The following ROBO2 variants were observed in gnomAD, a reference collection of about 807,000 sequenced individuals.
The protein encoded by ROBO2 is roundabout guidance receptor 2, also known as roundabout homolog 2.
A neutral mutation model predicts 160.8 loss-of-function variants in ROBO2; 53 were observed. That is an observed-to-expected ratio of 0.33 (90% CI 0.26 to 0.41). The LOEUF is 0.41. Among genes scored for constraint, ROBO2 ranks in the 10% least tolerant of loss-of-function variants. The pLI is 1.00. For synonymous variants in ROBO2, 664 were observed against 611.7 expected, an observed-to-expected ratio of 1.09 and a Z score of -1.26; for missense variants, 1,577 against 1,722.4, an observed-to-expected ratio of 0.92 and a Z score of 1.49.
chr3:77,607,316 G>C (rs2094544620), intron 20 of ROBO2, among the ~76,000 whole-genome samples: 1 of 152,108 alleles, frequency 6.6e-6, no homozygotes, highest in South Asian at 2.1e-4. Context: ...ATTTTTATCA[G>C]TTACTTTTGG....
At chr3:76,228,684 A>T (rs985374726) in intron 2 of ROBO2, among the ~76,000 whole-genome samples, 1 of 152,188 alleles carries the variant, frequency 6.6e-6, no homozygotes, top group African/African-American at 2.4e-5. Flanking sequence ...ACATCTTAGC[A>T]AATCTAAAGT....
At chr3:76,221,529 C>T (rs1209680486) in intron 2 of ROBO2, among the ~76,000 whole-genome samples, 4 of 152,160 alleles carry the variant, frequency 2.6e-5, no homozygotes, top group Non-Finnish European at 4.4e-5. Flanking sequence ...GATTCCTGAA[C>T]CCATTAATTG....
intron 2 of ROBO2, among the ~76,000 whole-genome samples, chr3:76,617,621 G>A (rs1484839399): frequency 2.6e-5 from 4 of 152,154 alleles, no homozygotes; most frequent in Non-Finnish European, 5.9e-5. Flanking sequence ...TGGACTAGTC[G>A]AAAAAGCTAG....
chr3:76,814,604 C>T (rs1400733744), intron 2 of ROBO2, among the ~76,000 whole-genome samples: 4 of 150,878 alleles, frequency 2.7e-5, no homozygotes, highest in African/African-American at 7.3e-5. Context: ...TTTTTTTTGT[C>T]ATTGATCAAT....
intron 2 of ROBO2, chr3:75,964,943 G>C (rs925861321): frequency 6.7e-6 from 1 of 149,496 alleles, no homozygotes; most frequent in Admixed American, 6.7e-5. Context: ...TTATCCAACT[G>C]TCAATTTATT....
intron 2 of ROBO2, among the ~76,000 whole-genome samples, chr3:76,931,550 G>GACACACAC (rs148001909): frequency 0.02 from 3,076 of 150,618 alleles, 62 homozygotes; most frequent in Admixed American, 0.065. Flanking sequence ...TGCTTTATAA[G>GACACACAC]ACACATACAC....
At chr3:76,384,768 G>T (rs1215762389) in intron 2 of ROBO2, among the ~76,000 whole-genome samples, 1 of 152,070 alleles carries the variant, frequency 6.6e-6, no homozygotes, top group Non-Finnish European at 1.5e-5. Context: ...GAACTCACTT[G>T]CTATCAAGAG....
intron 1 of ROBO2, among the ~76,000 whole-genome samples, chr3:77,042,143 C>A (rs1022841602): frequency 6.6e-6 from 1 of 152,156 alleles, no homozygotes; most frequent in Non-Finnish European, 1.5e-5. Flanking sequence ...AGTACCTTTG[C>A]CCCCCAGCGA....
intron 2 of ROBO2, among the ~76,000 whole-genome samples, chr3:76,454,892 T>A (rs750491455): frequency 6.8e-4 from 104 of 152,010 alleles, no homozygotes; most frequent in Non-Finnish European, 1.3e-3. Context: ...CAGGCAAAAA[T>A]TATTCAACAT....
chr3:76,335,371 G>A (rs1312923480), intron 2 of ROBO2, among the ~76,000 whole-genome samples: 1 of 151,274 alleles, frequency 6.6e-6, no homozygotes, highest in African/African-American at 2.4e-5. Flanking sequence ...GGTTAGAGAC[G>A]GGGTTTTACC....
chr3:76,612,123 G>C (rs1462498254), intron 2 of ROBO2, among the ~76,000 whole-genome samples: 2 of 152,162 alleles, frequency 1.3e-5, no homozygotes, highest in African/African-American at 4.8e-5. Flanking sequence ...GAAGATACCT[G>C]ATATGATTTC....
At chr3:76,517,441 C>A (rs9857894) in intron 2 of ROBO2, among the ~76,000 whole-genome samples, 6,713 of 152,254 alleles carry the variant, frequency 0.044, 505 homozygotes, top group African/African-American at 0.15. Flanking sequence ...CGATATTTTT[C>A]TCTTCATCTT....
chr3:76,594,362 A>C (rs2086608990), intron 2 of ROBO2, among the ~76,000 whole-genome samples: 1 of 152,012 alleles, frequency 6.6e-6, no homozygotes, highest in Admixed American at 6.6e-5. Context: ...CATCATTTAG[A>C]TTTAAGTTAT....
Position 77,503,523 on chromosome 3 carries a change from CTAAATAAATAAA to C in ROBO2, c.806+10170_806+10181del, listed in dbSNP as rs567091666. Among the ~76,000 whole-genome samples, 80 of 144,560 alleles carry C rather than the reference CTAAATAAATAAA, an allele frequency of 5.5e-4. 2 individuals carry two copies. The highest frequency in any genetic ancestry group is 1.1e-3 in the African/African-American group (44 of 38,892). 94.8% of individuals were successfully genotyped at this position (144,560 alleles called of 152,430 possible). A position where few individuals can be genotyped will look rare whatever the true frequency, so the allele number is the denominator to read the frequency against. ...TGGGCCACAGAGAGAGAGTCCGTCTCTAAATAAATAAATAAATAAATAAATAAATAAATAAAT... is the reference window on the plus strand; with the variant it reads ...TGGGCCACAGAGAGAGAGTCCGTCTCTAAATAAATAAATAAATAAATAAAT... On this transcript the variant is annotated intron_variant, in intron 5 of 25. Transcript: ENST00000461745.
At chr3:77,514,953 GT>G (rs889204713) in intron 5 of ROBO2, among the ~76,000 whole-genome samples, 12 of 151,618 alleles carry the variant, frequency 7.9e-5, no homozygotes, top group African/African-American at 2.7e-4. Flanking sequence ...AGTCACAAGA[GT>G]TTTTTCCCCA....
intron 2 of ROBO2, among the ~76,000 whole-genome samples, chr3:76,416,305 T>C (rs968931136): frequency 1.3e-5 from 2 of 152,192 alleles, no homozygotes; most frequent in African/African-American, 4.8e-5. Flanking sequence ...TTGAGTCATA[T>C]TTTCACAGTC....
intron 2 of ROBO2, among the ~76,000 whole-genome samples, chr3:77,438,918 G>C (rs531754989): frequency 6.6e-6 from 1 of 152,096 alleles, no homozygotes; most frequent in East Asian, 1.9e-4. Context: ...TAGTTTTTTT[G>C]AGTTAGTTTT....
At chr3:76,289,345 T>C (rs957151266) in intron 2 of ROBO2, among the ~76,000 whole-genome samples, 2 of 152,178 alleles carry the variant, frequency 1.3e-5, no homozygotes, top group East Asian at 1.9e-4. Flanking sequence ...ATGGGCTTGA[T>C]TGTTTTTTGC....
At chr3:76,252,704 GTATA>G (rs761261093) in intron 2 of ROBO2, among the ~76,000 whole-genome samples, 1 of 150,742 alleles carries the variant, frequency 6.6e-6, no homozygotes, top group Non-Finnish European at 1.5e-5. Context: ...ACAAATATGT[GTATA>G]TATACACACA....
Sources: allele counts gnomAD v4.1 joint callset (sites outside exome capture counted in the v4.1 genomes callset), GRCh38; gene constraint gnomAD v4.1.1; transcripts MANE v1.5; gene names NCBI Gene and HGNC (gene_info 2026-07-23, HGNC 2026-07-21).